SRFBP1: variants seen among roughly 807,000 people sequenced by gnomAD.
The protein encoded by SRFBP1 is serum response factor-binding protein 1.
In SRFBP1, 47 loss-of-function variants were observed where a neutral mutation model predicts 45.5. That is an observed-to-expected ratio of 1.03 (90% CI 0.82 to 1.32). The LOEUF is 1.32. SRFBP1 is among the 40% of genes most tolerant of loss of function. SRFBP1 has a pLI of 0.00. For synonymous variants in SRFBP1, 203 were observed against 166.3 expected (o/e 1.22, Z -1.70); for missense variants, 621 against 484.6 (o/e 1.28, Z -2.64).
At chr5:121,991,751 T>C (rs1752625850) in intron 3 of SRFBP1, among the ~76,000 whole-genome samples, 1 of 152,188 alleles carries the variant, frequency 6.6e-6, no homozygotes, top group African/African-American at 2.4e-5. Context: ...ACAGCTTTCC[T>C]ATCCATCCAT....
intron 2 of SRFBP1, among the ~76,000 whole-genome samples, chr5:122,054,412 G>A (rs1301135039): frequency 6.6e-6 from 1 of 152,192 alleles, no homozygotes; most frequent in Non-Finnish European, 1.5e-5. Flanking sequence ...TTCCCCTGCT[G>A]ACTTGCTGGG....
At chr5:122,053,717 A>G (rs1409402428) in intron 2 of SRFBP1, among the ~76,000 whole-genome samples, 1 of 151,686 alleles carries the variant, frequency 6.6e-6, no homozygotes, top group East Asian at 1.9e-4. Flanking sequence ...CTGCTGTCCA[A>G]GTGTTTCCAG....
At chr5:122,012,778 T>C (rs1753121229) in intron 4 of SRFBP1, among the ~76,000 whole-genome samples, 1 of 152,142 alleles carries the variant, frequency 6.6e-6, no homozygotes, top group Non-Finnish European at 1.5e-5. Context: ...TTTCTTATAG[T>C]GTTATAATAC....
At chr5:121,993,990 T>G (rs1466311189) in intron 3 of SRFBP1, among the ~76,000 whole-genome samples, 1 of 152,072 alleles carries the variant, frequency 6.6e-6, no homozygotes, top group Non-Finnish European at 1.5e-5. Flanking sequence ...TGACTTAATA[T>G]GTGATAATTT....
At chr5:122,053,724 C>T (rs1754030686) in intron 2 of SRFBP1, among the ~76,000 whole-genome samples, 1 of 151,996 alleles carries the variant, frequency 6.6e-6, no homozygotes, top group African/African-American at 2.4e-5. Flanking sequence ...CCAAGTGTTT[C>T]CAGAACAACA....
Position 122,063,516 on chromosome 5 carries a change from A to G in SRFBP1, n.312-11799A>G, listed in dbSNP as rs1391618639. ...ATTCAGATTTAAATAACTCAGCACC[A>G]TTTTAGCTTAGAGGATAAATGAAAT... On this transcript the variant is annotated intron_variant and non_coding_transcript_variant, in intron 2 of 2. Coordinates refer to the SRFBP1 transcript ENST00000504881. 2.0e-5 allele frequency: 3 copies of G among 151,920 alleles called. No homozygotes were observed. The South Asian group carries it at 6.2e-4, about 32-fold the overall frequency. The allele number at this position is 151,920 out of a possible 1,614,324, so 9.4% of individuals were successfully genotyped here.
intron 7 of SRFBP1, among the ~76,000 whole-genome samples, chr5:122,024,491 C>T (rs1054506250): frequency 6.6e-6 from 1 of 152,106 alleles, no homozygotes; most frequent in Non-Finnish European, 1.5e-5. Flanking sequence ...TGCCTCTTGC[C>T]TCCTCTGGAT....
chr5:122,034,582 G>C (rs1753657158), intron 2 of SRFBP1, among the ~76,000 whole-genome samples: 1 of 150,962 alleles, frequency 6.6e-6, no homozygotes, highest in South Asian at 2.1e-4. Context: ...ATTTTTAGTT[G>C]CATCATTTTT....
intron 1 of SRFBP1, among the ~76,000 whole-genome samples, chr5:121,962,601 T>G (rs1751972317): frequency 6.6e-6 from 1 of 152,198 alleles, no homozygotes; most frequent in African/African-American, 2.4e-5. Flanking sequence ...AGAACTTCAA[T>G]AAAGAGCTGT....
intron 2 of SRFBP1, among the ~76,000 whole-genome samples, chr5:122,042,703 C>T (rs1233832005): frequency 6.6e-6 from 1 of 152,108 alleles, no homozygotes; most frequent in African/African-American, 2.4e-5. Context: ...GCTCTTTTAG[C>T]CATATCCCAT....
intron 2 of SRFBP1, among the ~76,000 whole-genome samples, chr5:122,051,681 C>T (rs989467829): frequency 6.6e-6 from 1 of 151,532 alleles, no homozygotes. Context: ...CTTGAAAACC[C>T]TTCTTGGGTC....
In SRFBP1 at chr5:122,027,281, C is replaced by T. The variant is rs1753503055; in HGVS notation, c.*155C>T. ...GCTCAAGTGATCCTCCCACCTCTGC[C>T]TCCCAAAGGGCTGGGACTGCAGGTG... On this transcript the variant is annotated 3_prime_UTR_variant, in exon 8 of 8. Transcript: ENST00000339397. 1.7e-6 allele frequency: 1 copy of T among 576,434 alleles called. No homozygotes were observed. The highest frequency in any genetic ancestry group is 1.9e-5 in the African/African-American group (1 of 52,354). The allele number at this position is 576,434 out of a possible 1,614,324, so 35.7% of individuals were successfully genotyped here. A position where few individuals can be genotyped will look rare whatever the true frequency, so the allele number is the denominator to read the frequency against.
Position 122,004,880 on chromosome 5 carries a change from T to A in SRFBP1, c.270+10210T>A, listed in dbSNP as rs183221005. Among the ~76,000 whole-genome samples the A allele has an allele frequency of 3.9e-4, 59 of 152,310 alleles. 1 individual carries two copies. Among genetic ancestry groups the A allele is most frequent in the Admixed American group, 1.3e-3 (20 of 15,306 alleles). On this transcript the variant is annotated intron_variant, in intron 4 of 7. Transcript: ENST00000339397. ...ATTTGTCTCAAGATACTTTTTAATT[T>A]TCTCTTCAATTTCTTCTTTGACTTA...
At chr5:121,962,161 G>T in intron 1 of SRFBP1, 93 bp downstream of exon 1, 4 of 1,518,104 alleles carry the variant, frequency 2.6e-6, no homozygotes, top group Non-Finnish European at 3.6e-6. Flanking sequence ...AGAGGGTGCG[G>T]TTGGAGGAAC....
Position 121,974,240 on chromosome 5 carries a change from TA to T in SRFBP1, c.82del (p.Ile28SerfsTer11). Reference protein sequence around the residue: ...KEVKRIRVLVIRKLVRSVGRL... With the variant: ...KEVKRIRVLVXRKLVRSVGRL... ...AAGTGAAGAGAATTCGAGTTTTAGT[TA>T]TCCGAAAACTTGTCAGGAGTGTTGG... is the stretch of plus-strand genomic sequence containing the variant. On this transcript the variant is annotated frameshift_variant, in exon 2 of 8. Transcript: ENST00000339397. LOFTEE classifies it high-confidence loss of function. 6.2e-7 allele frequency: 1 copy of T among 1,611,622 alleles called. No individual in the cohort carries two copies. The highest frequency in any genetic ancestry group is 1.3e-5 in the African/African-American group (1 of 74,944).
intron 4 of SRFBP1, among the ~76,000 whole-genome samples, chr5:121,996,096 T>G (rs1752721074): frequency 6.7e-6 from 1 of 149,446 alleles, no homozygotes; most frequent in Non-Finnish European, 1.5e-5. Flanking sequence ...AAGGAGGAAC[T>G]GGTACCATTC....
intron 7 of SRFBP1, among the ~76,000 whole-genome samples, chr5:122,025,365 T>G (rs1173560129): frequency 6.6e-6 from 1 of 152,220 alleles, no homozygotes; most frequent in Non-Finnish European, 1.5e-5. Context: ...CTATCATTGT[T>G]GGACATTTGG....
At chr5:121,965,926 G>A (rs1020022691) in intron 1 of SRFBP1, among the ~76,000 whole-genome samples, 2 of 152,072 alleles carry the variant, frequency 1.3e-5, no homozygotes, top group South Asian at 2.1e-4. Context: ...GTATTTCTAG[G>A]CATTTTATTC....
downstream of SRFBP1, chr5:122,078,138 G>A (rs1404390846): frequency 4.6e-6 from 3 of 652,244 alleles, no homozygotes; most frequent in Non-Finnish European, 6.9e-6. Flanking sequence ...TGCCAAGGGT[G>A]GGATTCAGAC....
Sources: gnomAD v4.1 joint callset for allele counts (sites outside exome capture counted in the v4.1 genomes callset) on GRCh38, gnomAD v4.1.1 for gene constraint, MANE v1.5 for transcripts, NCBI Gene and HGNC (gene_info 2026-07-23, HGNC 2026-07-21) for gene names.